ATRX: variants seen among roughly 807,000 people sequenced by gnomAD.
ATRX encodes the protein chromatin remodeler ATRX.
Under a neutral mutation model 172.6 loss-of-function variants are expected in ATRX, and 12 were observed. The ratio of observed to expected loss-of-function variants is 0.07; its 90% CI spans 0.04 to 0.11. The LOEUF is 0.11. Ranked by LOEUF, ATRX falls within the 10% of genes least tolerant of loss-of-function variation. ATRX has a pLI of 1.00. For synonymous variants in ATRX, 674 were observed against 594.7 expected, an observed-to-expected ratio of 1.13 and a Z score of -1.94; for missense variants, 1,368 against 1,767.4, an observed-to-expected ratio of 0.77 and a Z score of 4.05.
chrX:77,733,040 G>A (rs1049293359), intron 1 of ATRX, among the ~76,000 whole-genome samples: 8 of 111,843 alleles, frequency 7.2e-5, no homozygotes, highest in African/African-American at 1.6e-4. Context: ...CTATTAGAAC[G>A]GATAAACAAA....
Position 77,683,157 on chromosome X carries a change from T to G in ATRX, c.2099A>C (p.Lys700Thr). 8.3e-7 allele frequency: 1 copy of G among 1,210,264 alleles called. No homozygotes were observed. The highest frequency in any genetic ancestry group is 1.8e-5 in the South Asian group (1 of 56,979). ...KLSVPVRKKD[K>T]RNSSDSAIDN... is the part of the protein sequence containing the mutation. ...TATAGCACTGTCAGAAGAATTACGC[T>G]TATCCTTTTTTCTCACTGGAACTGA... Residue 700 changes from lysine (K) to threonine (T), a missense_variant, in exon 9 of 35, where the codon AAG becomes ACG. Lys to Thr is a moderately conservative substitution (Grantham distance 78). Around this residue, in one of 17 missense-constraint regions of ATRX, gnomAD observed 843 missense variants for 643.1 expected, o/e 1.31. Transcript: ENST00000373344.
At chrX:77,550,068 A>T (rs1250773016) in intron 30 of ATRX, among the ~76,000 whole-genome samples, 1 of 112,665 alleles carries the variant, frequency 8.9e-6, no homozygotes, top group African/African-American at 3.2e-5. Context: ...CTAACTGAAG[A>T]TATAAATTAA....
At chrX:77,726,566 T>C (rs1557173082) in intron 1 of ATRX, among the ~76,000 whole-genome samples, 1 of 110,257 alleles carries the variant, frequency 9.1e-6, no homozygotes, top group East Asian at 2.9e-4. Flanking sequence ...GGCACATGTA[T>C]GCATATGTAA....
intron 1 of ATRX, among the ~76,000 whole-genome samples, chrX:77,747,730 G>C (rs1557185772): frequency 9.0e-6 from 1 of 110,963 alleles, no homozygotes; most frequent in African/African-American, 3.3e-5. Flanking sequence ...GGTAATCTAG[G>C]GTAGAAAAGG....
In ATRX at chrX:77,662,960, G is replaced by A. The variant is rs1291595185; in HGVS notation, c.4120+422C>T. Among the ~76,000 whole-genome samples, 3 of 112,227 alleles carry A rather than the reference G, an allele frequency of 2.7e-5. No homozygotes were observed. The Admixed American group carries it at 2.8e-4, about 11-fold the overall frequency. On this transcript the variant is annotated intron_variant, in intron 12 of 34. Transcript: ENST00000373344. ...TCCACCCGACTTGGCCTCCCAAAGT[G>A]CTGGGATTACAGGTATGAGCCACCG... is the stretch of plus-strand genomic sequence containing the variant.
intron 30 of ATRX, among the ~76,000 whole-genome samples, chrX:77,538,736 C>G (rs2063851425): frequency 9.0e-6 from 1 of 111,363 alleles, no homozygotes; most frequent in South Asian, 3.7e-4. Flanking sequence ...AATGTTGGAA[C>G]TATAAGAAAC....
chrX:77,523,725 AT>A (rs1403959801), intron 30 of ATRX, among the ~76,000 whole-genome samples: 2 of 111,857 alleles, frequency 1.8e-5, no homozygotes, highest in East Asian at 5.6e-4. Flanking sequence ...AAATGCTAAC[AT>A]AAGTCTGCTT....
intron 22 of ATRX, among the ~76,000 whole-genome samples, chrX:77,601,902 G>T (rs1241276880): frequency 8.1e-5 from 9 of 111,742 alleles, no homozygotes; most frequent in African/African-American, 2.9e-4. Context: ...ATAATTTCTC[G>T]GCATACAGCT....
intron 1 of ATRX, among the ~76,000 whole-genome samples, chrX:77,774,999 GC>G (rs1474868932): frequency 3.6e-5 from 4 of 111,453 alleles, no homozygotes; most frequent in Non-Finnish European, 5.6e-5. Context: ...CTCCCAAAGT[GC>G]TGGGATAACA....
chrX:77,687,517 C>A (rs782291511), intron 7 of ATRX, among the ~76,000 whole-genome samples: 1 of 111,983 alleles, frequency 8.9e-6, no homozygotes. Context: ...GGAAAAGGTG[C>A]TCACTGATAC....
intron 1 of ATRX, among the ~76,000 whole-genome samples, chrX:77,729,556 C>A (rs1603284306): frequency 1.8e-5 from 2 of 112,179 alleles, no homozygotes; most frequent in South Asian, 3.7e-4. Flanking sequence ...CATCATTTTT[C>A]TAAGATTCTT....
In ATRX at chrX:77,625,071, G is replaced by C. The variant is rs782456619; in HGVS notation, c.5135-4539C>G. On this transcript the variant is annotated intron_variant, in intron 19 of 34. Transcript: ENST00000373344. The stretch of plus-strand genomic sequence containing the variant: ...ACACAGACCAATGGAACAGAATAGA[G>C]GACTCAGAAATAAACCCAAATACTT... 9.8e-5 allele frequency among the ~76,000 whole-genome samples: 11 copies of C among 112,045 alleles called. No individual in the cohort carries two copies. In the South Asian group the frequency reaches 4.1e-3, roughly 41 times the overall value.
chrX:77,653,004 TAAAAAAA>T (rs554448289), intron 14 of ATRX, among the ~76,000 whole-genome samples: 2 of 69,013 alleles, frequency 2.9e-5, no homozygotes, highest in Admixed American at 1.7e-4. Flanking sequence ...TGTTTCTTGT[TAAAAAAA>T]AAAAAAAAAA....
Position 77,593,723 on chromosome X carries a change from C to T in ATRX, c.6083G>A (p.Arg2028Gln), listed in dbSNP as rs1557082310. The change falls in exon 26 of 35, where the codon CGA (arginine) becomes CAA (glutamine). Residue 2028 changes from arginine to glutamine, a missense_variant. Coordinates refer to ENST00000373344, the MANE Select transcript of ATRX (RefSeq NM_000489.6). ...GKMVLLFEIL[R>Q]MAEEIGDKVL... Reference sequence around the variant, plus strand: ...TTTATCCCCAATTTCCTCTGCCATTCGAAGAATTTCAAAGAGAAGTACCAT... The same window carrying T: ...TTTATCCCCAATTTCCTCTGCCATTTGAAGAATTTCAAAGAGAAGTACCAT... 1 of 1,210,528 alleles carries T rather than the reference C, an allele frequency of 8.3e-7. No homozygotes were observed. Among genetic ancestry groups the T allele is most frequent in the Non-Finnish European group, 1.1e-6 (1 of 894,622 alleles).
At chrX:77,782,717 C>T (rs2076610697) in intron 1 of ATRX, among the ~76,000 whole-genome samples, 1 of 111,589 alleles carries the variant, frequency 9.0e-6, no homozygotes, top group East Asian at 2.8e-4. Context: ...GGTGCCATTG[C>T]ACTCCAGCCT....
intron 30 of ATRX, among the ~76,000 whole-genome samples, chrX:77,527,229 C>T (rs1386506503): frequency 2.7e-5 from 3 of 112,099 alleles, no homozygotes; most frequent in African/African-American, 9.7e-5. Flanking sequence ...TGATGAGAAG[C>T]AGCTGTGGTC....
intron 28 of ATRX, 27 bp from the exon 29 acceptor site, chrX:77,558,873 C>T (rs781880112): frequency 9.1e-7 from 1 of 1,096,692 alleles, no homozygotes; most frequent in Non-Finnish European, 1.3e-6. Flanking sequence ...AGAATAAATG[C>T]TTCAGTAATT....
chrX:77,621,540 G>A (rs1602895445), intron 19 of ATRX, among the ~76,000 whole-genome samples: 2 of 112,046 alleles, frequency 1.8e-5, no homozygotes, highest in Middle Eastern at 9.2e-3. Context: ...TCAAACTCCT[G>A]ACCTCAAGTG....
intron 29 of ATRX, among the ~76,000 whole-genome samples, chrX:77,557,915 T>C (rs897920684): frequency 9.0e-6 from 1 of 111,660 alleles, no homozygotes; most frequent in Middle Eastern, 4.2e-3. Flanking sequence ...TATTTATTTC[T>C]GTACTCTGTA....
Sources: allele counts gnomAD v4.1 joint callset (sites outside exome capture counted in the v4.1 genomes callset), GRCh38; gene constraint gnomAD v4.1.1; regional missense constraint gnomAD v4.1.1; transcripts MANE v1.5; gene names NCBI Gene and HGNC (gene_info 2026-07-23, HGNC 2026-07-21).